Variants in EFNA5 observed in about 807,000 individuals in gnomAD.
EFNA5 encodes the protein ephrin-A5.
A neutral mutation model predicts 22.9 loss-of-function variants in EFNA5; 5 were observed. The observed-to-expected ratio is 0.22, with a 90% CI of 0.11 to 0.46. The LOEUF (loss-of-function observed/expected upper bound fraction) is 0.46. EFNA5 is among the 20% of genes least tolerant of loss of function. EFNA5 has a pLI of 0.99. For synonymous variants in EFNA5, 113 were observed against 112.2 expected, an observed-to-expected ratio of 1.01 and a Z score of -0.04; for missense variants, 237 against 293.3, an observed-to-expected ratio of 0.81 and a Z score of 1.40.
chr5:107,586,707 T>C (rs1749194544), intron 1 of EFNA5, among the ~76,000 whole-genome samples: 1 of 152,198 alleles, frequency 6.6e-6, no homozygotes, highest in Admixed American at 6.5e-5. Context: ...AATGTACCAA[T>C]CTTAAAGGAA....
At chr5:107,422,544 C>G (rs1748699110) in intron 2 of EFNA5, among the ~76,000 whole-genome samples, 1 of 152,184 alleles carries the variant, frequency 6.6e-6, no homozygotes, top group Non-Finnish European at 1.5e-5. Context: ...ACGTGAATGC[C>G]TGGGGCAATG....
At chr5:107,622,288 T>C (rs1217446279) in intron 1 of EFNA5, among the ~76,000 whole-genome samples, 1 of 152,164 alleles carries the variant, frequency 6.6e-6, no homozygotes, top group Non-Finnish European at 1.5e-5. Flanking sequence ...CTCAACTGCT[T>C]TGCTACCCTA....
At chr5:107,439,263 C>G (rs1580452331) in intron 1 of EFNA5, among the ~76,000 whole-genome samples, 1 of 152,190 alleles carries the variant, frequency 6.6e-6, no homozygotes, top group South Asian at 2.1e-4. Flanking sequence ...AAGATGGCTG[C>G]CCCAAGAGAG....
At chr5:107,489,122 A>G (rs564995888) in intron 1 of EFNA5, among the ~76,000 whole-genome samples, 11 of 152,218 alleles carry the variant, frequency 7.2e-5, no homozygotes, top group Non-Finnish European at 1.2e-4. Context: ...AACTATTACC[A>G]TCATTACAAT....
At chr5:107,591,923 TATAATATATAATATATA>T (rs1749348798) in intron 1 of EFNA5, among the ~76,000 whole-genome samples, 1 of 9,456 alleles carries the variant, frequency 1.1e-4, no homozygotes, top group African/African-American at 6.3e-4. Flanking sequence ...AAAATATATA[TATAATATATAATATATA>T]TATTATATAT....
chr5:107,635,314 A>C (rs1750350021), intron 1 of EFNA5, among the ~76,000 whole-genome samples: 1 of 152,198 alleles, frequency 6.6e-6, no homozygotes, highest in Admixed American at 6.5e-5. Context: ...TTTTTAGCCC[A>C]AAGTTAAATG....
At chr5:107,490,538 C>T (rs1746775886) in intron 1 of EFNA5, among the ~76,000 whole-genome samples, 1 of 152,224 alleles carries the variant, frequency 6.6e-6, no homozygotes, top group African/African-American at 2.4e-5. Flanking sequence ...CACCCTGCAG[C>T]ATTAAGATGC....
intron 1 of EFNA5, among the ~76,000 whole-genome samples, chr5:107,607,744 T>C (rs1310595474): frequency 1.3e-5 from 2 of 152,048 alleles, no homozygotes; most frequent in African/African-American, 4.8e-5. Flanking sequence ...AGGGAGTGTA[T>C]GACCATAGGA....
At chr5:107,604,611 GA>G (rs1361307411) in intron 1 of EFNA5, among the ~76,000 whole-genome samples, 4 of 152,072 alleles carry the variant, frequency 2.6e-5, no homozygotes, top group Admixed American at 1.3e-4. Flanking sequence ...AAAATAATTA[GA>G]ACTTAAAAAA....
At position 107,573,625 on chromosome 5, in the gene EFNA5, G is replaced by A. The variant is rs574997121; in HGVS notation, c.125+96864C>T. On this transcript the variant is annotated intron_variant, in intron 1 of 4. Transcript: ENST00000333274. ...TGTGGATAGTACAGAATACAACAGC[G>A]GCTTTTATTCACCACTTCTTTTAGC... is the stretch of plus-strand genomic sequence containing the variant. 3.3e-5 allele frequency among the ~76,000 whole-genome samples: 5 copies of A among 152,134 alleles called. No individual in the cohort carries two copies. In the East Asian group the frequency reaches 5.8e-4, roughly 18 times the overall value.
At chr5:107,414,930 C>A (rs1580435612) in intron 2 of EFNA5, among the ~76,000 whole-genome samples, 1 of 152,050 alleles carries the variant, frequency 6.6e-6, no homozygotes, top group Admixed American at 6.6e-5. Context: ...AGATTAGAAT[C>A]ATTTCTGCAT....
chr5:107,489,539 C>T (rs1308331493), intron 1 of EFNA5, among the ~76,000 whole-genome samples: 2 of 152,028 alleles, frequency 1.3e-5, no homozygotes, highest in African/African-American at 4.8e-5. Flanking sequence ...TAAAATCATA[C>T]CTAAAAAAGT....
At position 107,380,374 on chromosome 5, in the gene EFNA5, T is replaced by TAAAAAAA. The variant is rs556075303; in HGVS notation, c.*874_*880dup. 2 of 47,462 alleles carry TAAAAAAA rather than the reference T, an allele frequency of 4.2e-5. No homozygotes were observed. The highest frequency in any genetic ancestry group is 6.8e-4 in the South Asian group (1 of 1,474). The allele number at this position is 47,462 out of a possible 1,614,324, so 2.9% of individuals were successfully genotyped here. On this transcript the variant is annotated 3_prime_UTR_variant, in exon 5 of 5. Coordinates refer to ENST00000333274, the MANE Select transcript of EFNA5 (RefSeq NM_001962.3). ...CATAAAAATGCCTCTTTGAGTTTCT[T>TAAAAAAA]AAAAAAAAAAAAAAAAAAAAAAAAA...
intron 2 of EFNA5, among the ~76,000 whole-genome samples, chr5:107,395,034 C>CTTTTTTTTGTTTTTTTTTTTTTTT (rs1747884040): frequency 1.2e-5 from 1 of 86,136 alleles, no homozygotes; most frequent in Non-Finnish European, 2.2e-5. Context: ...ATTTCTAGTT[C>CTTTTTTTTGTTTTTTTTTTTTTTT]TTTTTTTTTT....
intron 2 of EFNA5, among the ~76,000 whole-genome samples, chr5:107,415,181 A>G (rs557413194): frequency 6.6e-6 from 1 of 152,246 alleles, no homozygotes; most frequent in South Asian, 2.1e-4. Context: ...ATGAGATTAT[A>G]TATATATATA....
rs1747338056 is a variant in EFNA5, at chr5:107,378,467, G to A, written c.*2788C>T. ...TTTTTGAAATTAAAAGCTTCTAAAAGTTGCATCAACATCCTCCTAAGCCCC... is the reference window on the plus strand; with the variant it reads ...TTTTTGAAATTAAAAGCTTCTAAAAATTGCATCAACATCCTCCTAAGCCCC... On this transcript the variant is annotated 3_prime_UTR_variant, in exon 5 of 5. Coordinates refer to ENST00000333274, the MANE Select transcript of EFNA5 (RefSeq NM_001962.3). 6.6e-6 allele frequency: 1 copy of A among 152,212 alleles called. No individual in the cohort carries two copies. Among genetic ancestry groups the A allele is most frequent in the South Asian group, 2.1e-4 (1 of 4,824 alleles). The allele number at this position is 152,212 out of a possible 1,614,324, so 9.4% of individuals were successfully genotyped here.
intron 2 of EFNA5, among the ~76,000 whole-genome samples, chr5:107,397,924 C>T (rs577876490): frequency 5.9e-5 from 9 of 152,316 alleles, no homozygotes; most frequent in South Asian, 4.1e-4. Context: ...GTCTCTGAGA[C>T]GGATTATCTG....
chr5:107,384,222 A>G (rs1183428377), intron 4 of EFNA5, among the ~76,000 whole-genome samples: 1 of 152,226 alleles, frequency 6.6e-6, no homozygotes, highest in African/African-American at 2.4e-5. Context: ...CTTGTAACAC[A>G]GGCTTGGAAG....
At chr5:107,602,040 G>T (rs549352921) in intron 1 of EFNA5, among the ~76,000 whole-genome samples, 2 of 152,182 alleles carry the variant, frequency 1.3e-5, no homozygotes, top group Non-Finnish European at 2.9e-5. Flanking sequence ...GCATTACTCC[G>T]AATTTAACGC....
Sources: allele counts gnomAD v4.1 joint callset (sites outside exome capture counted in the v4.1 genomes callset), GRCh38; gene constraint gnomAD v4.1.1; transcripts MANE v1.5; gene names NCBI Gene and HGNC (gene_info 2026-07-23, HGNC 2026-07-21).